The following KCNK1 variants were observed in gnomAD, a reference collection of about 807,000 sequenced individuals.
KCNK1 encodes potassium two pore domain channel subfamily K member 1, also known as potassium channel subfamily K member 1.
Under a neutral mutation model 22.2 loss-of-function variants are expected in KCNK1, and 10 were observed. That is an observed-to-expected ratio of 0.45 (90% CI 0.28 to 0.76). KCNK1 has a LOEUF of 0.76. Ranked by LOEUF, KCNK1 falls within the 30% of genes least tolerant of loss-of-function variation. The pLI is 0.14. For synonymous variants in KCNK1, 200 were observed against 186.4 expected (o/e 1.07, Z -0.60); for missense variants, 378 against 421.0 (o/e 0.90, Z 0.89).
intron 1 of KCNK1, among the ~76,000 whole-genome samples, chr1:233,621,568 A>G (rs1657587126): frequency 6.6e-6 from 1 of 152,216 alleles, no homozygotes; most frequent in South Asian, 2.1e-4. Flanking sequence ...CAAGAAAAAT[A>G]TCTCAACATG....
chr1:233,623,795 G>T (rs1388594655), intron 1 of KCNK1, among the ~76,000 whole-genome samples: 1 of 152,054 alleles, frequency 6.6e-6, no homozygotes, highest in Non-Finnish European at 1.5e-5. Context: ...TGCCATGTTG[G>T]TTGCCATGCT....
At chr1:233,621,119 G>A (rs183177868) in intron 1 of KCNK1, among the ~76,000 whole-genome samples, 4 of 152,264 alleles carry the variant, frequency 2.6e-5, no homozygotes, top group Admixed American at 1.3e-4. Context: ...GGGCCAAATC[G>A]TCTCCCTCAA....
Position 233,665,101 on chromosome 1 carries a change from A to G in KCNK1, c.356-1494A>G, listed in dbSNP as rs376363765. ...TTCAACCAGGTAGAAAGTAAAACAG[A>G]CATGTGTTTCAACCACTGGTCCTAA... On this transcript the variant is annotated intron_variant, in intron 1 of 2. Transcript: ENST00000366621. Among the ~76,000 whole-genome samples the G allele has an allele frequency of 5.3e-5, 8 of 152,308 alleles. No homozygotes were observed. The East Asian group carries it at 1.5e-3, about 29-fold the overall frequency.
chr1:233,638,004 A>AT (rs1558112724), intron 1 of KCNK1, among the ~76,000 whole-genome samples: 1 of 151,730 alleles, frequency 6.6e-6, no homozygotes, highest in Non-Finnish European at 1.5e-5. Flanking sequence ...AAAATGAAAA[A>AT]AAAAAACACA....
At chr1:233,653,015 C>T (rs1658227038) in intron 1 of KCNK1, among the ~76,000 whole-genome samples, 1 of 152,214 alleles carries the variant, frequency 6.6e-6, no homozygotes, top group Non-Finnish European at 1.5e-5. Flanking sequence ...CACTCTGGAG[C>T]CCCATCCCCC....
At chr1:233,648,833 C>G (rs1658148582) in intron 1 of KCNK1, among the ~76,000 whole-genome samples, 1 of 152,192 alleles carries the variant, frequency 6.6e-6, no homozygotes, top group South Asian at 2.1e-4. Context: ...CCCCAAAGTG[C>G]TGGGATTATA....
At chr1:233,666,219 T>C (rs551593851) in intron 1 of KCNK1, among the ~76,000 whole-genome samples, 16 of 152,274 alleles carry the variant, frequency 1.1e-4, no homozygotes, top group African/African-American at 3.6e-4. Context: ...GTGGAGGGGA[T>C]AGACTGGCCC....
chr1:233,670,759 A>C (rs896126212), intron 2 of KCNK1, among the ~76,000 whole-genome samples: 1 of 152,224 alleles, frequency 6.6e-6, no homozygotes, highest in Admixed American at 6.5e-5. Flanking sequence ...GCCAAACCAT[A>C]GCATTTAAGA....
At chr1:233,618,122 G>A (rs1657517980) in intron 1 of KCNK1, among the ~76,000 whole-genome samples, 1 of 152,150 alleles carries the variant, frequency 6.6e-6, no homozygotes, top group Non-Finnish European at 1.5e-5. Context: ...CAGAGCTTCA[G>A]GGAAGAAGGT....
Position 233,671,477 on chromosome 1 carries a change from C to G in KCNK1, c.958C>G (p.Pro320Ala), listed in dbSNP as rs765810464. The change falls in exon 3 of 3, where the codon CCT becomes GCT. Residue 320 changes from proline to alanine, a missense_variant. Transcript: ENST00000366621. Reference protein sequence around the residue: ...GMKEDQKQNEPFVATQSSACV... With the variant: ...GMKEDQKQNEAFVATQSSACV... ...GAAAGAGGACCAGAAGCAAAATGAG[C>G]CTTTTGTGGCCACCCAGTCATCTGC... is the stretch of plus-strand genomic sequence containing the variant. 20 of 1,614,058 alleles carry G rather than the reference C, an allele frequency of 1.2e-5. No homozygotes were observed. In the African/African-American group the frequency reaches 2.1e-4, roughly 17 times the overall value.
At chr1:233,628,510 A>G (rs941164555) in intron 1 of KCNK1, among the ~76,000 whole-genome samples, 1 of 152,326 alleles carries the variant, frequency 6.6e-6, no homozygotes, top group Non-Finnish European at 1.5e-5. Context: ...CTGGAATCCC[A>G]GTACTTTGGG....
At chr1:233,643,139 T>C (rs1241822263) in intron 1 of KCNK1, among the ~76,000 whole-genome samples, 1 of 151,986 alleles carries the variant, frequency 6.6e-6, no homozygotes, top group East Asian at 1.9e-4. Context: ...GTAGAGCTGA[T>C]CTCTGAGCCA....
At chr1:233,624,459 C>T (rs531105136) in intron 1 of KCNK1, among the ~76,000 whole-genome samples, 87 of 152,012 alleles carry the variant, frequency 5.7e-4, no homozygotes, top group Non-Finnish European at 9.6e-4. Flanking sequence ...CCTATCTTCA[C>T]CTGGCCTCAC....
chr1:233,649,955 A>T (rs375942578), intron 1 of KCNK1: 5 of 533,420 alleles, frequency 9.4e-6, no homozygotes, highest in Middle Eastern at 6.4e-4. Context: ...TGAGGGTTTT[A>T]TCTCCTGATT....
At chr1:233,632,122 G>A (rs1472972135) in intron 1 of KCNK1, among the ~76,000 whole-genome samples, 2 of 152,192 alleles carry the variant, frequency 1.3e-5, no homozygotes, top group Non-Finnish European at 2.9e-5. Flanking sequence ...GTGGGAATAG[G>A]ACATTTGGCT....
intron 1 of KCNK1, among the ~76,000 whole-genome samples, chr1:233,619,944 G>T (rs1657552776): frequency 6.6e-6 from 1 of 150,502 alleles, no homozygotes; most frequent in African/African-American, 2.4e-5. Context: ...GGGGGGCAGG[G>T]GGGTGAAGAG....
chr1:233,632,904 A>G (rs372995971), intron 1 of KCNK1, among the ~76,000 whole-genome samples: 3 of 152,028 alleles, frequency 2.0e-5, no homozygotes, highest in African/African-American at 7.2e-5. Flanking sequence ...CAGTCTTTTC[A>G]TGTAAAGACA....
chr1:233,657,572 G>A (rs1365829216), intron 1 of KCNK1, among the ~76,000 whole-genome samples: 1 of 150,738 alleles, frequency 6.6e-6, no homozygotes, highest in Non-Finnish European at 1.5e-5. Context: ...AAGGAACTGT[G>A]TAATTATGAT....
At chr1:233,646,634 G>A (rs748024813) in intron 1 of KCNK1, among the ~76,000 whole-genome samples, 13 of 152,078 alleles carry the variant, frequency 8.5e-5, no homozygotes, top group Non-Finnish European at 1.8e-4. Context: ...TCTGAAGGCC[G>A]AGTCCTGGAG....
Sources: allele counts gnomAD v4.1 joint callset (sites outside exome capture counted in the v4.1 genomes callset), GRCh38; gene constraint gnomAD v4.1.1; transcripts MANE v1.5; gene names NCBI Gene and HGNC (gene_info 2026-07-23, HGNC 2026-07-21).